Variants in RANBP2 observed in about 807,000 individuals in gnomAD.
RANBP2 encodes the protein RAN binding protein 2, also known as E3 SUMO-protein ligase RanBP2.
RANBP2 carries 57 observed loss-of-function variants against 303.6 expected under a neutral mutation model. The ratio of observed to expected loss-of-function variants is 0.19; its 90% CI spans 0.15 to 0.23. The LOEUF (loss-of-function observed/expected upper bound fraction) is 0.23. Among genes scored for constraint, RANBP2 ranks in the 10% least tolerant of loss-of-function variants. The probability of loss-of-function intolerance (pLI) is 1.00; values close to 1 mark genes in which losing one functional copy is unlikely to be tolerated. For missense variants in RANBP2, 3,138 were observed against 3,780.8 expected, an observed-to-expected ratio of 0.83 and a Z score of 4.46; for synonymous variants, 1,167 against 1,301.5, an observed-to-expected ratio of 0.90 and a Z score of 2.23.
downstream of RANBP2, chr2:108,787,935 C>CT (rs1423929752): frequency 9.4e-7 from 1 of 1,067,864 alleles, no homozygotes; most frequent in Non-Finnish European, 1.3e-6. Context: ...TTTCTCCACT[C>CT]TAACCTTTGT....
chr2:108,815,859 ATTAC>A, the RANBP2 span: 1 of 1,135,810 alleles, frequency 8.8e-7, no homozygotes, highest in Non-Finnish European at 1.3e-6. Context: ...AATTATTCTT[ATTAC>A]TTAACAAATT....
the RANBP2 span, among the ~76,000 whole-genome samples, chr2:108,963,053 C>T: frequency 1.3e-5 from 2 of 152,304 alleles, no homozygotes; most frequent in East Asian, 3.9e-4. Context: ...GGCTCTGCGT[C>T]ACTGAAGGTC....
At chr2:108,805,643 C>T in the RANBP2 span, among the ~76,000 whole-genome samples, 5 of 151,858 alleles carry the variant, frequency 3.3e-5, no homozygotes, top group Admixed American at 6.6e-5. Flanking sequence ...AGGAGAATGT[C>T]GTGAACCCAG....
chr2:109,183,255 A>G, the RANBP2 span, among the ~76,000 whole-genome samples: 1 of 152,196 alleles, frequency 6.6e-6, no homozygotes, highest in East Asian at 1.9e-4. Context: ...TGAGATGACT[A>G]TCAGTTGAGT....
the RANBP2 span, among the ~76,000 whole-genome samples, chr2:109,477,648 G>A: frequency 6.6e-6 from 1 of 151,606 alleles, no homozygotes; most frequent in Non-Finnish European, 1.5e-5. Context: ...GTGTGTTGGT[G>A]AGGGGTGTCA....
the RANBP2 span, among the ~76,000 whole-genome samples, chr2:109,214,212 C>T: frequency 0.26 from 39,819 of 152,002 alleles, 5,539 homozygotes; most frequent in East Asian, 0.46. Context: ...GGAAATAAAG[C>T]TGTCAGCATG....
At chr2:109,295,701 A>G in the RANBP2 span, among the ~76,000 whole-genome samples, 1 of 152,154 alleles carries the variant, frequency 6.6e-6, no homozygotes, top group Non-Finnish European at 1.5e-5. Flanking sequence ...ATTTGGGGAC[A>G]TGAAGATCAG....
chr2:109,019,494 G>A, the RANBP2 span, among the ~76,000 whole-genome samples: 2 of 152,148 alleles, frequency 1.3e-5, no homozygotes, highest in Non-Finnish European at 2.9e-5. Flanking sequence ...GATAAGTAGG[G>A]CTGCACCATC....
chr2:109,467,192 C>T, the RANBP2 span, among the ~76,000 whole-genome samples: 366 of 152,344 alleles, frequency 2.4e-3, no homozygotes, highest in African/African-American at 8.1e-3. Flanking sequence ...ATGAGGGATC[C>T]GTAGCAGCTT....
the RANBP2 span, among the ~76,000 whole-genome samples, chr2:109,112,922 T>G: frequency 1.3e-5 from 2 of 152,232 alleles, no homozygotes; most frequent in Non-Finnish European, 2.9e-5. Flanking sequence ...TTTCTCAGGT[T>G]TGTCAAAGAT....
At chr2:109,344,476 G>A in the RANBP2 span, among the ~76,000 whole-genome samples, 86 of 152,338 alleles carry the variant, frequency 5.6e-4, no homozygotes, top group African/African-American at 1.9e-3. Context: ...TGAGGCCAGC[G>A]TAGGGGACCT....
the RANBP2 span, among the ~76,000 whole-genome samples, chr2:109,559,723 T>A: frequency 6.6e-6 from 1 of 152,136 alleles, no homozygotes; most frequent in Non-Finnish European, 1.5e-5. Flanking sequence ...GATGGGAACA[T>A]GACCTACATC....
the RANBP2 span, among the ~76,000 whole-genome samples, chr2:109,075,854 C>A: frequency 6.7e-6 from 1 of 150,310 alleles, no homozygotes; most frequent in South Asian, 2.1e-4. Context: ...AAAGAAAAAT[C>A]GATGGCTTTC....
At chr2:109,103,606 T>A in the RANBP2 span, among the ~76,000 whole-genome samples, 1 of 152,082 alleles carries the variant, frequency 6.6e-6, no homozygotes, top group Non-Finnish European at 1.5e-5. Context: ...AAGGCGGCGG[T>A]TATGGAAGCC....
At chr2:109,175,903 T>C in the RANBP2 span, among the ~76,000 whole-genome samples, 1 of 152,242 alleles carries the variant, frequency 6.6e-6, no homozygotes, top group Non-Finnish European at 1.5e-5. Flanking sequence ...ATTAATTTTT[T>C]TCCAGGGAGT....
At chr2:109,347,799 C>T in the RANBP2 span, 18 of 1,613,860 alleles carry the variant, frequency 1.1e-5, no homozygotes, top group African/African-American at 5.3e-5. Context: ...AGTGGTACCA[C>T]GGCGAGCTGC....
chr2:109,094,985 T>A, the RANBP2 span, among the ~76,000 whole-genome samples: 14 of 152,338 alleles, frequency 9.2e-5, no homozygotes, highest in South Asian at 2.9e-3. Context: ...AGATTATTGG[T>A]AAAATAAAAT....
chr2:109,499,954 G>A, the RANBP2 span, among the ~76,000 whole-genome samples: 1 of 152,164 alleles, frequency 6.6e-6, no homozygotes, highest in Admixed American at 6.5e-5. Context: ...GGAGCAGGGA[G>A]GCAGCGAGTG....
the RANBP2 span, among the ~76,000 whole-genome samples, chr2:109,040,468 G>T: frequency 1.3e-5 from 2 of 152,024 alleles, no homozygotes; most frequent in African/African-American, 4.8e-5. Flanking sequence ...ATAAATTTTA[G>T]AATACTTTGG....
Sources: allele counts gnomAD v4.1 joint callset (sites outside exome capture counted in the v4.1 genomes callset), GRCh38; gene constraint gnomAD v4.1.1; transcripts MANE v1.5; gene names NCBI Gene and HGNC (gene_info 2026-07-23, HGNC 2026-07-21).